Variants in PCMTD2 observed in about 807,000 individuals in gnomAD.
PCMTD2 encodes the protein protein-L-isoaspartate (D-aspartate) O-methyltransferase domain containing 2, also known as protein-L-isoaspartate O-methyltransferase domain-containing protein 2.
In PCMTD2, 16 loss-of-function variants were observed where a neutral mutation model predicts 33.4. The observed-to-expected ratio is 0.48, with a 90% confidence interval of 0.32 to 0.73. The LOEUF (loss-of-function observed/expected upper bound fraction) is 0.73. PCMTD2 is among the 30% of genes least tolerant of loss of function. The probability of loss-of-function intolerance (pLI) is 0.03; values close to 1 mark genes in which losing one functional copy is unlikely to be tolerated. For missense variants in PCMTD2, 374 were observed against 449.9 expected (o/e 0.83, Z 1.53); for synonymous variants, 161 against 160.8 (o/e 1.00, Z -0.01).
intron 2 of PCMTD2, among the ~76,000 whole-genome samples, chr20:64,261,340 TG>T (rs1196889129): frequency 6.6e-6 from 1 of 152,200 alleles, no homozygotes; most frequent in Non-Finnish European, 1.5e-5. Context: ...GCAGAGAAGC[TG>T]GAGTCTGTAT....
intron 2 of PCMTD2, among the ~76,000 whole-genome samples, chr20:64,260,890 C>T (rs915990726): frequency 4.6e-5 from 7 of 151,944 alleles, no homozygotes; most frequent in African/African-American, 1.5e-4. Context: ...GACGGGGTCT[C>T]GCCATGTTTC....
intron 2 of PCMTD2, chr20:64,262,559 C>T (rs1204826827): frequency 6.6e-6 from 1 of 152,280 alleles, no homozygotes; most frequent in Admixed American, 6.5e-5. Context: ...CTTAATAGCA[C>T]TTGGTGCAGA....
chr20:64,270,342 C>T lies in PCMTD2; in HGVS notation c.706+2332C>T, dbSNP rs140259079. Among the ~76,000 whole-genome samples, 836 of 133,786 alleles carry T rather than the reference C, an allele frequency of 6.2e-3. 8 individuals carry two copies. Among genetic ancestry groups the T allele is most frequent in the African/African-American group, 0.023 (797 of 34,814 alleles). The allele number at this position is 133,786 out of a possible 152,430, so 87.8% of individuals were successfully genotyped here. A position where few individuals can be genotyped will look rare whatever the true frequency, so the allele number is the denominator to read the frequency against. On this transcript the variant is annotated intron_variant, in intron 5 of 5. Coordinates refer to ENST00000308824, the MANE Select transcript of PCMTD2 (RefSeq NM_018257.3). ...GTGCACAGTGGGTTGTGTGGACGTG[C>T]ACGGTGTGGCGTCGTGAGTTCAGGC...
At chr20:64,269,912 G>A (rs559860984) in intron 5 of PCMTD2, among the ~76,000 whole-genome samples, 60 of 149,052 alleles carry the variant, frequency 4.0e-4, no homozygotes, top group Non-Finnish European at 3.6e-4. Context: ...TGCATGGTGT[G>A]TGGTGTGAGT....
chr20:64,269,416 G>A (rs1239488312), intron 5 of PCMTD2, among the ~76,000 whole-genome samples: 1 of 152,220 alleles, frequency 6.6e-6, no homozygotes, highest in Non-Finnish European at 1.5e-5. Flanking sequence ...TGACAATGTG[G>A]TGGGCAGTTT....
intron 4 of PCMTD2, 121 bp downstream of exon 4, chr20:64,265,550 A>C (rs989879382): frequency 1.2e-6 from 1 of 821,692 alleles, no homozygotes; most frequent in African/African-American, 1.7e-5. Context: ...AAACAGAGGC[A>C]GGGACAGGTG....
rs1338957956 is a variant in PCMTD2, at chr20:64,260,110, A to T, written c.145A>T (p.Asn49Tyr). The T allele has an allele frequency of 6.2e-7, 1 of 1,613,860 alleles. No homozygotes were observed. Among genetic ancestry groups the T allele is most frequent in the Non-Finnish European group, 8.5e-7 (1 of 1,179,858 alleles). Residue 49 changes from asparagine (N) to tyrosine (Y), a missense_variant, in exon 2 of 6, where the codon AAT (asparagine) becomes TAT (tyrosine). Transcript: ENST00000308824. Reference protein sequence around the residue: ...ADYYLEEFKENAYKDLAWKHG... With the variant: ...ADYYLEEFKEYAYKDLAWKHG... The stretch of plus-strand genomic sequence containing the variant: ...CTATTATCTTGAAGAATTTAAAGAA[A>T]ATGCTTATAAAGACTTGGCATGGAA...
Position 64,273,743 on chromosome 20 carries a change from C to T in PCMTD2, c.*143C>T. 1.7e-6 allele frequency: 1 copy of T among 584,900 alleles called. No individual in the cohort carries two copies. The highest frequency in any genetic ancestry group is 2.8e-6 in the Non-Finnish European group (1 of 351,246). The allele number at this position is 584,900 out of a possible 1,614,324, so 36.2% of individuals were successfully genotyped here. The stretch of plus-strand genomic sequence containing the variant: ...GGCTCATCCACACCATGGTTTTCTT[C>T]TAGTTCCTGATTGACCTCTAAAATT... On this transcript the variant is annotated 3_prime_UTR_variant, in exon 6 of 6. Coordinates refer to ENST00000308824, the MANE Select transcript of PCMTD2 (RefSeq NM_018257.3).
intron 1 of PCMTD2, among the ~76,000 whole-genome samples, chr20:64,258,536 C>T (rs1985264307): frequency 6.6e-6 from 1 of 152,140 alleles, no homozygotes; most frequent in Admixed American, 6.5e-5. Context: ...ACTTTTTGTT[C>T]ACTTGTAAGA....
At chr20:64,269,040 G>A (rs867637837) in intron 5 of PCMTD2, among the ~76,000 whole-genome samples, 1 of 152,200 alleles carries the variant, frequency 6.6e-6, no homozygotes, top group Non-Finnish European at 1.5e-5. Flanking sequence ...ATCAAAATGC[G>A]TGTTCCCCGT....
At chr20:64,265,882 T>C (rs1985638745) in intron 4 of PCMTD2, among the ~76,000 whole-genome samples, 1 of 152,238 alleles carries the variant, frequency 6.6e-6, no homozygotes, top group Admixed American at 6.5e-5. Flanking sequence ...ATCCTTTGCC[T>C]AGTGAGAGTC....
At position 64,273,573 on chromosome 20, in the gene PCMTD2, C is replaced by A; in HGVS notation, c.1059C>A (p.Tyr353Ter). 1 of 1,526,040 alleles carries A rather than the reference C, an allele frequency of 6.6e-7. No individual in the cohort carries two copies. Among genetic ancestry groups the A allele is most frequent in the Non-Finnish European group, 8.8e-7 (1 of 1,140,956 alleles). 94.5% of individuals were successfully genotyped at this position (1,526,040 alleles called of 1,614,324 possible). ...TCCCTCTGCCAGATCCCCTGAAATA[C>A]TACTTGCTTTATTACAGAGAAAAAT... ...LSLPLPDPLK[Y>*]YLLYYREK Residue 353 changes from tyrosine to a stop codon, truncating the protein, a stop_gained, in exon 6 of 6, where the codon TAC (tyrosine) becomes TAA (stop). Transcript: ENST00000308824. LOFTEE classifies it high-confidence loss of function.
intron 1 of PCMTD2, among the ~76,000 whole-genome samples, chr20:64,256,265 A>T (rs930146237): frequency 3.2e-4 from 48 of 152,222 alleles, no homozygotes; most frequent in Admixed American, 2.1e-3. Context: ...AGGATTTTTT[A>T]AAAAAATAAT....
chr20:64,265,334 G>A lies in PCMTD2; in HGVS notation c.487G>A (p.Val163Ile), dbSNP rs767317377. The A allele has an allele frequency of 5.0e-6, 8 of 1,612,454 alleles. No individual in the cohort carries two copies. The highest frequency in any genetic ancestry group is 5.9e-6 in the Non-Finnish European group (7 of 1,179,126). ...ISPDCSQYDR[V>I]YCGAGVQKEH... is the part of the protein sequence containing the mutation. ...TCCGGATTGTTCTCAGTATGATCGT[G>A]TATACTGTGGGGCTGGCGTGCAGAA... is the stretch of plus-strand genomic sequence containing the variant. Residue 163 changes from valine (V) to isoleucine (I), a missense_variant, in exon 4 of 6, where the codon GTA (valine) becomes ATA (isoleucine). Val to Ile is a conservative substitution (Grantham distance 29, BLOSUM62 3). Coordinates refer to ENST00000308824, the MANE Select transcript of PCMTD2 (RefSeq NM_018257.3).
intron 1 of PCMTD2, among the ~76,000 whole-genome samples, chr20:64,256,434 A>G (rs1308674647): frequency 1.3e-5 from 2 of 152,176 alleles, no homozygotes; most frequent in Admixed American, 6.5e-5. Flanking sequence ...CGTGTCTCCT[A>G]AATGAATGTT....
intron 5 of PCMTD2, chr20:64,272,365 C>T (rs1387996155): frequency 6.6e-6 from 2 of 301,322 alleles, no homozygotes; most frequent in African/African-American, 4.4e-5. Flanking sequence ...GAAATGTTGC[C>T]TGCATGAAAT....
In PCMTD2 at chr20:64,263,834, G is replaced by GA. The variant is rs550403843; in HGVS notation, c.308-594dup. Among the ~76,000 whole-genome samples, 107 of 152,336 alleles carry GA rather than the reference G, an allele frequency of 7.0e-4. 1 individual carries two copies. The Middle Eastern group carries it at 0.031, about 44-fold the overall frequency. On this transcript the variant is annotated intron_variant, in intron 2 of 5. Coordinates refer to ENST00000308824, the MANE Select transcript of PCMTD2 (RefSeq NM_018257.3). ...CATGTAAGTGGATTCCCGCAACAGA[G>GA]AGACCCATTTAAGTTGAGTGTCAAT... is the stretch of plus-strand genomic sequence containing the variant.
intron 5 of PCMTD2, among the ~76,000 whole-genome samples, chr20:64,269,010 C>T (rs1985773771): frequency 6.6e-6 from 1 of 152,184 alleles, no homozygotes; most frequent in East Asian, 1.9e-4. Flanking sequence ...GAGAAAAGTA[C>T]CAGCAGTGGC....
intron 5 of PCMTD2, among the ~76,000 whole-genome samples, chr20:64,270,051 CGT>C (rs1226088086): frequency 1.4e-5 from 1 of 71,424 alleles, no homozygotes; most frequent in Non-Finnish European, 2.7e-5. Flanking sequence ...GAGTGCATGG[CGT>C]GGGGTCTTGT....
Sources: gnomAD v4.1 joint callset for allele counts (sites outside exome capture counted in the v4.1 genomes callset) on GRCh38, gnomAD v4.1.1 for gene constraint, MANE v1.5 for transcripts, NCBI Gene and HGNC (gene_info 2026-07-23, HGNC 2026-07-21) for gene names.